The following KIAA0753 variants were observed in gnomAD, a reference collection of about 807,000 sequenced individuals.
The protein encoded by KIAA0753 is KIAA0753.
KIAA0753 carries 114 observed loss-of-function variants against 116.9 expected under a neutral mutation model. The ratio of observed to expected loss-of-function variants is 0.98; its 90% CI spans 0.84 to 1.14. The LOEUF (loss-of-function observed/expected upper bound fraction) is 1.14. Among genes scored for constraint, KIAA0753 ranks in the 50% most tolerant of loss-of-function variants. The probability of loss-of-function intolerance (pLI) is 0.00; values close to 1 mark genes in which losing one functional copy is unlikely to be tolerated. For synonymous variants in KIAA0753, 405 were observed against 413.1 expected, an observed-to-expected ratio of 0.98 and a Z score of 0.24; for missense variants, 1,156 against 1,172.4, an observed-to-expected ratio of 0.99 and a Z score of 0.20.
At chr17:6,582,316 C>T (rs1320389710) in intron 18 of KIAA0753, among the ~76,000 whole-genome samples, 1 of 152,164 alleles carries the variant, frequency 6.6e-6, no homozygotes. Flanking sequence ...GTTATTTAGG[C>T]TTCATGCCGT....
rs1412091456 is a variant in KIAA0753 at position 6,578,296 on chromosome 17, G to T, written c.*1451C>A. On this transcript the variant is annotated 3_prime_UTR_variant, in exon 19 of 19. Transcript: ENST00000361413. ...TTTCACTTTGCCTGTGGGAAAAAAA[G>T]GAGATGTAAGTTATTTAAAATAGGC... The T allele has an allele frequency of 2.0e-5, 3 of 152,040 alleles. No individual in the cohort carries two copies. The highest frequency in any genetic ancestry group is 4.4e-5 in the Non-Finnish European group (3 of 68,002). The allele number at this position is 152,040 out of a possible 1,614,324, so 9.4% of individuals were successfully genotyped here.
In KIAA0753 at chr17:6,628,597, C is replaced by G. The variant is rs942150133; in HGVS notation, c.238G>C (p.Gly80Arg). ...YHCKDADCRV[G>R]PDLGSSVSFS... ...GAAACAGAACTGCCCAGGTCAGGACCAACTCTACAATCTGCATCTTTACAA... is the reference window on the plus strand; with the variant it reads ...GAAACAGAACTGCCCAGGTCAGGACGAACTCTACAATCTGCATCTTTACAA... The change falls in exon 3 of 19, where the codon GGT becomes CGT. Residue 80 changes from glycine to arginine, a missense_variant. Physicochemically the swap from Gly to Arg is moderately radical, Grantham distance 125. Transcript: ENST00000361413. The G allele has an allele frequency of 1.9e-6, 3 of 1,614,172 alleles. No individual in the cohort carries two copies. Among genetic ancestry groups the G allele is most frequent in the Admixed American group, 3.3e-5 (2 of 60,028 alleles).
chr17:6,595,873 G>A (rs577569362), intron 15 of KIAA0753, among the ~76,000 whole-genome samples: 2 of 152,188 alleles, frequency 1.3e-5, no homozygotes, highest in East Asian at 1.9e-4. Flanking sequence ...CAGGGTCTTC[G>A]GAATTACACA....
intron 2 of KIAA0753, among the ~76,000 whole-genome samples, chr17:6,630,018 A>G (rs889547894): frequency 6.6e-5 from 10 of 152,160 alleles, no homozygotes; most frequent in Non-Finnish European, 1.5e-5. Context: ...GCTACTCAGG[A>G]GGCTGAGACA....
chr17:6,625,600 G>C (rs1444395326), intron 3 of KIAA0753, among the ~76,000 whole-genome samples: 1 of 151,970 alleles, frequency 6.6e-6, no homozygotes, highest in African/African-American at 2.4e-5. Flanking sequence ...CCAGGAGGCG[G>C]AGGTTGCAGT....
chr17:6,623,387 A>T, intron 5 of KIAA0753, 122 bp downstream of exon 5: 1 of 785,952 alleles, frequency 1.3e-6, no homozygotes, highest in Non-Finnish European at 2.0e-6. Context: ...TCACTCCCTC[A>T]CTAACAGGTT....
intron 7 of KIAA0753, among the ~76,000 whole-genome samples, chr17:6,614,129 A>G (rs1018781560): frequency 6.6e-6 from 1 of 152,266 alleles, no homozygotes; most frequent in Admixed American, 6.5e-5. Context: ...AAAATATTCA[A>G]ACAATGAGAT....
At chr17:6,601,928 C>T (rs1169914946) in intron 12 of KIAA0753, among the ~76,000 whole-genome samples, 4 of 152,096 alleles carry the variant, frequency 2.6e-5, no homozygotes, top group Non-Finnish European at 5.9e-5. Context: ...GGGCTCATAT[C>T]CAGAAAATAC....
intron 18 of KIAA0753, among the ~76,000 whole-genome samples, chr17:6,588,468 C>T (rs2150741313): frequency 6.6e-6 from 1 of 152,164 alleles, no homozygotes; most frequent in East Asian, 1.9e-4. Context: ...GCCGCCTGGA[C>T]TCAGGTAGGA....
chr17:6,606,778 G>C, intron 12 of KIAA0753, 95 bp downstream of exon 12: 2 of 856,526 alleles, frequency 2.3e-6, no homozygotes, highest in South Asian at 2.9e-5. Flanking sequence ...ATGTAATGAA[G>C]TTAGGCCTTA....
rs1970251498 is a variant in KIAA0753, at chr17:6,607,217, A to C, written c.1883T>G (p.Leu628Ter). 6.2e-7 allele frequency: 1 copy of C among 1,614,112 alleles called. No individual in the cohort carries two copies. The highest frequency in any genetic ancestry group is 2.2e-5 in the East Asian group (1 of 44,892). ...TSKRLKELEELKAKEIDSMQK... is the reference protein window; with the variant it reads ...TSKRLKELEE ...CATGCTGTCAATTTCCTTGGCTTTTAACTCTTCTAGTTCCTTCAATCTTTT... is the reference window on the plus strand; with the variant it reads ...CATGCTGTCAATTTCCTTGGCTTTTCACTCTTCTAGTTCCTTCAATCTTTT... Residue 628 changes from leucine to a stop codon, truncating the protein, a stop_gained, in exon 11 of 19, where the codon TTA (leucine) becomes TGA (stop). Coordinates refer to ENST00000361413, the MANE Select transcript of KIAA0753 (RefSeq NM_014804.3). LOFTEE classifies it high-confidence loss of function.
intron 4 of KIAA0753, among the ~76,000 whole-genome samples, chr17:6,624,465 G>A (rs1031479221): frequency 3.3e-5 from 5 of 151,534 alleles, no homozygotes; most frequent in Non-Finnish European, 4.4e-5. Context: ...GGGTGGGGAG[G>A]AGTGGCTTTT....
chr17:6,611,780 T>C (rs375203960), intron 8 of KIAA0753, 139 bp downstream of exon 8: 3 of 682,182 alleles, frequency 4.4e-6, no homozygotes, highest in Middle Eastern at 2.7e-4. Flanking sequence ...TGTTAAAATA[T>C]ATAAACAACT....
At chr17:6,614,053 C>A (rs1951964928) in intron 7 of KIAA0753, among the ~76,000 whole-genome samples, 1 of 152,030 alleles carries the variant, frequency 6.6e-6, no homozygotes, top group African/African-American at 2.4e-5. Flanking sequence ...CAGAAACTGG[C>A]AATTTAGACA....
At chr17:6,614,838 G>T (rs769143886) in intron 7 of KIAA0753, among the ~76,000 whole-genome samples, 14 of 152,202 alleles carry the variant, frequency 9.2e-5, no homozygotes, top group Non-Finnish European at 1.3e-4. Flanking sequence ...TTGCTCTGTT[G>T]TCCAGCCTGG....
intron 16 of KIAA0753, among the ~76,000 whole-genome samples, chr17:6,594,279 C>CA (rs922146986): frequency 5.7e-5 from 1 of 17,604 alleles, no homozygotes; most frequent in Admixed American, 7.8e-4. Flanking sequence ...AGATTCTGAC[C>CA]CCCCCCCCCA....
chr17:6,595,747 T>C (rs1328401353), intron 15 of KIAA0753, among the ~76,000 whole-genome samples: 1 of 152,148 alleles, frequency 6.6e-6, no homozygotes, highest in African/African-American at 2.4e-5. Flanking sequence ...AAGATAAAAT[T>C]ATCTGTGATT....
intron 7 of KIAA0753, among the ~76,000 whole-genome samples, chr17:6,617,191 T>C (rs943432640): frequency 6.6e-6 from 1 of 152,184 alleles, no homozygotes; most frequent in Non-Finnish European, 1.5e-5. Flanking sequence ...TCTTATTCAA[T>C]TACACTTCTT....
At position 6,612,261 on chromosome 17, in the gene KIAA0753, G is replaced by A; in HGVS notation, c.1316-113C>T. On this transcript the variant is annotated intron_variant, in intron 7 of 18. Coordinates refer to ENST00000361413, the MANE Select transcript of KIAA0753 (RefSeq NM_014804.3). ...CAAATACCTATCCTAGCCCTGCTGAGAAGCAGATGTTTTGTTGTCAACATT... is the reference window on the plus strand; with the variant it reads ...CAAATACCTATCCTAGCCCTGCTGAAAAGCAGATGTTTTGTTGTCAACATT... The A allele has an allele frequency of 8.1e-6, 6 of 740,556 alleles. 1 individual carries two copies. Among genetic ancestry groups the A allele is most frequent in the Non-Finnish European group, 1.3e-5 (6 of 452,746 alleles). 45.9% of individuals were successfully genotyped at this position (740,556 alleles called of 1,614,324 possible).
Sources: allele counts gnomAD v4.1 joint callset (sites outside exome capture counted in the v4.1 genomes callset), GRCh38; gene constraint gnomAD v4.1.1; transcripts MANE v1.5; gene names NCBI Gene and HGNC (gene_info 2026-07-23, HGNC 2026-07-21).